Variants in ZDHHC17 observed in about 807,000 individuals in gnomAD.
ZDHHC17 encodes palmitoyltransferase ZDHHC17.
A neutral mutation model predicts 90.3 loss-of-function variants in ZDHHC17; 40 were observed. The observed-to-expected ratio is 0.44, with a 90% CI of 0.34 to 0.58. ZDHHC17 has a LOEUF of 0.58. Ranked by LOEUF, ZDHHC17 falls within the 20% of genes least tolerant of loss-of-function variation. The pLI is 0.01. For synonymous variants in ZDHHC17, 235 were observed against 252.4 expected (o/e 0.93, Z 0.65); for missense variants, 614 against 780.8 (o/e 0.79, Z 2.55).
At chr12:76,801,837 A>G (rs1337879760) in intron 2 of ZDHHC17, among the ~76,000 whole-genome samples, 1 of 152,184 alleles carries the variant, frequency 6.6e-6, no homozygotes, top group Non-Finnish European at 1.5e-5. Flanking sequence ...ACATAAAGTA[A>G]TAATTATTTT....
intron 1 of ZDHHC17, 191 bp downstream of exon 1, chr12:76,764,520 G>A (rs908545705): frequency 3.3e-6 from 2 of 599,300 alleles, no homozygotes; most frequent in African/African-American, 3.7e-5. Flanking sequence ...GGGCGGGCCC[G>A]ACCGGGGCGG....
rs566563533 is a variant in ZDHHC17 at position 76,805,340 on chromosome 12, G to A, written c.221G>A (p.Arg74Gln). 14 of 1,601,620 alleles carry A rather than the reference G, an allele frequency of 8.7e-6. No homozygotes were observed. The East Asian group carries it at 9.0e-5, about 10-fold the overall frequency. Residue 74 changes from arginine (R) to glutamine (Q), a missense_variant, in exon 3 of 17, where the codon CGA becomes CAA. Physicochemically the swap from Arg to Gln is conservative, Grantham distance 43. Coordinates refer to ENST00000426126, the MANE Select transcript of ZDHHC17 (RefSeq NM_015336.4). ...ATQYGIYERC[R>Q]ELVEAGYDVR... ...AGATATGGAATATATGAACGCTGTCGAGAATTGGTGGAAGCAGGTTATGAT... is the reference window on the plus strand; with the variant it reads ...AGATATGGAATATATGAACGCTGTCAAGAATTGGTGGAAGCAGGTTATGAT...
intron 10 of ZDHHC17, among the ~76,000 whole-genome samples, chr12:76,838,968 C>G (rs528436893): frequency 6.6e-6 from 1 of 152,114 alleles, no homozygotes; most frequent in Non-Finnish European, 1.5e-5. Flanking sequence ...GATCAGGGTG[C>G]CAGCAAGTTT....
chr12:76,812,089 A>C (rs1953031187), intron 5 of ZDHHC17, among the ~76,000 whole-genome samples: 1 of 152,192 alleles, frequency 6.6e-6, no homozygotes, highest in Non-Finnish European at 1.5e-5. Flanking sequence ...AACATAGGAA[A>C]AACATACACA....
chr12:76,830,917 A>G (rs1025788058), intron 10 of ZDHHC17, among the ~76,000 whole-genome samples: 1 of 152,216 alleles, frequency 6.6e-6, no homozygotes, highest in African/African-American at 2.4e-5. Flanking sequence ...AAGCTAGGGA[A>G]ATAGTATAAA....
chr12:76,782,022 A>G (rs536039207), intron 1 of ZDHHC17, among the ~76,000 whole-genome samples: 3 of 152,336 alleles, frequency 2.0e-5, no homozygotes, highest in South Asian at 4.1e-4. Context: ...AAGCTGCATT[A>G]TAAAGAGATG....
intron 10 of ZDHHC17, among the ~76,000 whole-genome samples, chr12:76,841,659 A>G (rs182828977): frequency 6.6e-6 from 1 of 152,236 alleles, no homozygotes; most frequent in Non-Finnish European, 1.5e-5. Flanking sequence ...GTAGATGCCT[A>G]AAGATTGCAG....
intron 1 of ZDHHC17, among the ~76,000 whole-genome samples, chr12:76,796,566 T>C (rs1322253505): frequency 6.6e-6 from 1 of 152,172 alleles, no homozygotes; most frequent in Non-Finnish European, 1.5e-5. Context: ...ATTAACATTT[T>C]TAGGCCTATT....
At chr12:76,829,756 C>T (rs367976251) in intron 10 of ZDHHC17, among the ~76,000 whole-genome samples, 4 of 151,968 alleles carry the variant, frequency 2.6e-5, no homozygotes, top group East Asian at 1.9e-4. Context: ...ATCTCTTTTG[C>T]CTTCATGAAA....
intron 10 of ZDHHC17, among the ~76,000 whole-genome samples, chr12:76,838,262 G>C (rs1236411171): frequency 6.6e-6 from 1 of 152,002 alleles, no homozygotes; most frequent in Non-Finnish European, 1.5e-5. Context: ...TGGGTTATTT[G>C]CTTTGTGAAT....
intron 1 of ZDHHC17, among the ~76,000 whole-genome samples, chr12:76,795,763 T>G (rs1952812280): frequency 6.6e-6 from 1 of 152,164 alleles, no homozygotes; most frequent in Non-Finnish European, 1.5e-5. Flanking sequence ...TTGTGTATAC[T>G]CAAAATACTA....
rs186135112 is a variant in ZDHHC17, at chr12:76,785,201, A to C, written c.94-12233A>C. On this transcript the variant is annotated intron_variant, in intron 1 of 16. Transcript: ENST00000426126. ...AGGGCACCCATTTTTTTCAGGTAAT[A>C]ATATGAAAAATATTGCATTAACTTG... 3.1e-3 allele frequency among the ~76,000 whole-genome samples: 472 copies of C among 152,308 alleles called. 4 individuals are homozygous for C. The highest frequency in any genetic ancestry group is 0.011 in the African/African-American group (447 of 41,574).
chr12:76,832,890 G>C (rs1270489370), intron 10 of ZDHHC17, among the ~76,000 whole-genome samples: 2 of 152,200 alleles, frequency 1.3e-5, no homozygotes, highest in African/African-American at 4.8e-5. Flanking sequence ...TGCACATTTG[G>C]TGACTCAAAT....
Position 76,822,416 on chromosome 12 carries a change from C to T in ZDHHC17, c.782C>T (p.Ala261Val), listed in dbSNP as rs752565944. 13 of 1,613,398 alleles carry T rather than the reference C, an allele frequency of 8.1e-6. No individual in the cohort carries two copies. Among genetic ancestry groups the T allele is most frequent in the South Asian group, 5.5e-5 (5 of 91,050 alleles). Residue 261 changes from alanine (A) to valine (V), a missense_variant, in exon 8 of 17, where the codon GCG (alanine) becomes GTG (valine). Around this residue, in one of 5 missense-constraint regions of ZDHHC17, gnomAD observed 358 missense variants for 380.4 expected, o/e 0.94. Transcript: ENST00000426126. ...TGTTTATATTATCAGGGCGAATCAG[C>T]GCTTGATTTGGCAAAACAGAGAAAA... ...VDAQNIKGES[A>V]LDLAKQRKNV...
intron 10 of ZDHHC17, among the ~76,000 whole-genome samples, chr12:76,837,602 A>G (rs1019557714): frequency 1.3e-5 from 2 of 152,200 alleles, no homozygotes; most frequent in African/African-American, 4.8e-5. Flanking sequence ...TTCTTAATAT[A>G]CAGTGTGTCT....
chr12:76,807,289 G>A (rs1017522695), intron 3 of ZDHHC17, among the ~76,000 whole-genome samples: 1 of 152,136 alleles, frequency 6.6e-6, no homozygotes, highest in African/African-American at 2.4e-5. Context: ...CTTTCAGCGG[G>A]AATATATGCT....
chr12:76,797,009 A>G (rs1952827332), intron 1 of ZDHHC17, among the ~76,000 whole-genome samples: 2 of 152,154 alleles, frequency 1.3e-5, no homozygotes, highest in African/African-American at 2.4e-5. Flanking sequence ...TTATGCCTGT[A>G]ATCTCAGCAC....
chr12:76,802,186 T>C (rs56092951), intron 2 of ZDHHC17, among the ~76,000 whole-genome samples: 22,123 of 152,262 alleles, frequency 0.15, 1,982 homozygotes, highest in Non-Finnish European at 0.2. Flanking sequence ...TCTTAATTTC[T>C]TCCCCTCTTT....
At chr12:76,779,119 A>G (rs753336856) in intron 1 of ZDHHC17, among the ~76,000 whole-genome samples, 4 of 152,170 alleles carry the variant, frequency 2.6e-5, no homozygotes, top group Non-Finnish European at 4.4e-5. Context: ...TTTCGGGGGT[A>G]TACATTTCAG....
Sources: allele counts gnomAD v4.1 joint callset (sites outside exome capture counted in the v4.1 genomes callset), GRCh38; gene constraint gnomAD v4.1.1; regional missense constraint gnomAD v4.1.1; transcripts MANE v1.5; gene names NCBI Gene and HGNC (gene_info 2026-07-23, HGNC 2026-07-21).